The following LAMB4 variants were observed in gnomAD, a reference collection of about 807,000 sequenced individuals.
LAMB4 encodes laminin subunit beta-4.
Under a neutral mutation model 199.2 loss-of-function variants are expected in LAMB4, and 196 were observed. The observed-to-expected ratio is 0.98, with a 90% CI of 0.88 to 1.11. The LOEUF (loss-of-function observed/expected upper bound fraction) is 1.11, where lower values mean the gene tolerates loss of function less well. LAMB4 is among the 50% of genes least tolerant of loss of function. The pLI, the probability that LAMB4 is intolerant of heterozygous loss-of-function variation, is 0.00. For synonymous variants in LAMB4, 744 were observed against 770.6 expected (o/e 0.97, Z 0.57); for missense variants, 2,080 against 2,171.2 (o/e 0.96, Z 0.83).
intron 24 of LAMB4, among the ~76,000 whole-genome samples, chr7:108,057,438 C>CA (rs1287403884): frequency 6.6e-6 from 1 of 152,094 alleles, no homozygotes; most frequent in Non-Finnish European, 1.5e-5. Context: ...TTTTTAGCCA[C>CA]AAGGGCACAT....
At chr7:108,112,255 T>TA (rs1225642842) in intron 3 of LAMB4, among the ~76,000 whole-genome samples, 1 of 151,798 alleles carries the variant, frequency 6.6e-6, no homozygotes, top group East Asian at 1.9e-4. Flanking sequence ...TATGAAGAAA[T>TA]AAAAAATTAG....
Position 108,052,204 on chromosome 7 carries a change from TC to T in LAMB4, c.3808del (p.Asp1270IlefsTer2). The T allele has an allele frequency of 2.5e-6, 4 of 1,611,638 alleles. No homozygotes were observed. The highest frequency in any genetic ancestry group is 3.4e-6 in the Non-Finnish European group (4 of 1,178,796). On this transcript the variant is annotated frameshift_variant, in exon 26 of 34. Coordinates refer to ENST00000388781, the MANE Select transcript of LAMB4 (RefSeq NM_007356.3). LOFTEE classifies it high-confidence loss of function. ...EQLKAVYEFQ[D>X]LKDTIERAKN... The stretch of plus-strand genomic sequence containing the variant: ...TGCTCTTTCTATTGTATCTTTCAGA[TC>T]TTGAAATTCATACACTGCTTTCAGT...
At chr7:108,025,435 T>TCTTTC (rs1563024848) in intron 33 of LAMB4, among the ~76,000 whole-genome samples, 28 of 112,142 alleles carry the variant, frequency 2.5e-4, no homozygotes, top group African/African-American at 2.0e-3. Context: ...TTTCTTTCTT[T>TCTTTC]TTTTTTTTTT....
At chr7:108,104,835 C>G (rs2037945169) in intron 8 of LAMB4, among the ~76,000 whole-genome samples, 1 of 151,658 alleles carries the variant, frequency 6.6e-6, no homozygotes. Context: ...TTCTAAAATA[C>G]AATACTTTTT....
At position 108,029,174 on chromosome 7, in the gene LAMB4, T is replaced by C; in HGVS notation, c.5015A>G (p.Gln1672Arg). 1 of 1,612,204 alleles carries C rather than the reference T, an allele frequency of 6.2e-7. No homozygotes were observed. The highest frequency in any genetic ancestry group is 8.5e-7 in the Non-Finnish European group (1 of 1,179,582). ...TGTCTTACGTTGGAGAATAGCATAT[T>C]GTTTTTTCAGCTCAACAAATTCCTG... The part of the protein sequence containing the change: ...LEKEFVELKK[Q>R]YAILQRKTST... The change falls in exon 33 of 34, where the codon CAA becomes CGA. Residue 1672 changes from glutamine to arginine, a missense_variant. By Grantham distance (43) the Gln-to-Arg change is conservative. Coordinates refer to ENST00000388781, the MANE Select transcript of LAMB4 (RefSeq NM_007356.3).
chr7:108,014,588 A>T, the LAMB4 span, among the ~76,000 whole-genome samples: 1 of 152,148 alleles, frequency 6.6e-6, no homozygotes, highest in African/African-American at 2.4e-5. Context: ...TAGTATAGAC[A>T]TTTCTATTTA....
rs373331992 is a variant in LAMB4, at chr7:108,037,395, C to A, written c.4672G>T (p.Ala1558Ser). ...GAQKLLVKAK[A>S]AEKAANILLN... is the part of the protein sequence containing the mutation. ...TATTAATACAGTACTTACTCAGCTG[C>A]TTTGGCCTTCACCAAAAGCTTTTGG... is the stretch of plus-strand genomic sequence containing the variant. The change falls in exon 30 of 34, where the codon GCA becomes TCA. Residue 1558 changes from alanine (A) to serine (S), a missense_variant. By Grantham distance (99) the Ala-to-Ser change is moderately conservative. Coordinates refer to ENST00000388781, the MANE Select transcript of LAMB4 (RefSeq NM_007356.3). 1 of 1,612,868 alleles carries A rather than the reference C, an allele frequency of 6.2e-7. No individual in the cohort carries two copies. Among genetic ancestry groups the A allele is most frequent in the Non-Finnish European group, 8.5e-7 (1 of 1,178,988 alleles).
At chr7:108,110,798 G>A (rs935461202) in intron 4 of LAMB4, among the ~76,000 whole-genome samples, 13 of 152,142 alleles carry the variant, frequency 8.5e-5, no homozygotes, top group African/African-American at 2.9e-4. Context: ...ATTCATTAAG[G>A]AGAGTCCAGC....
At chr7:108,128,539 T>G (rs1270665270) in intron 1 of LAMB4, among the ~76,000 whole-genome samples, 1 of 152,170 alleles carries the variant, frequency 6.6e-6, no homozygotes, top group Non-Finnish European at 1.5e-5. Flanking sequence ...CCAAAATCAC[T>G]CACCTCTAGT....
intron 28 of LAMB4, among the ~76,000 whole-genome samples, chr7:108,046,687 G>T (rs1460471990): frequency 6.6e-6 from 1 of 151,920 alleles, no homozygotes; most frequent in African/African-American, 2.4e-5. Flanking sequence ...TTAATTATAA[G>T]GTACTTAAAT....
Position 108,103,035 on chromosome 7 carries a change from G to A in LAMB4, c.1180+9C>T. On this transcript the variant is annotated intron_variant, in intron 10 of 33. Coordinates refer to ENST00000388781, the MANE Select transcript of LAMB4 (RefSeq NM_007356.3). ...AGTGGGTAGGATCCAGGCAGACCCG[G>A]GGACTCACGAATGCACGCGTAGGGA... 6.4e-7 allele frequency: 1 copy of A among 1,565,512 alleles called. No homozygotes were observed. Among genetic ancestry groups the A allele is most frequent in the Non-Finnish European group, 8.7e-7 (1 of 1,146,198 alleles).
At chr7:108,036,054 CACCATGTTGGCCAGGCTGGTCT>C (rs1374799553) in intron 30 of LAMB4, among the ~76,000 whole-genome samples, 15 of 151,938 alleles carry the variant, frequency 9.9e-5, no homozygotes, top group Non-Finnish European at 2.2e-4. Context: ...GACGGGTTTT[CACCATGTTGGCCAGGCTGGTCT>C]CTAACTCCTA....
Position 108,025,026 on chromosome 7 carries a change from GGAGTA to G in LAMB4, c.5147-853_5147-849del, listed in dbSNP as rs1381229459. Among the ~76,000 whole-genome samples, 3 of 152,324 alleles carry G rather than the reference GGAGTA, an allele frequency of 2.0e-5. No individual in the cohort carries two copies. The East Asian group carries it at 5.8e-4, about 29-fold the overall frequency. ...TCACACCTGAATACCGAGTTGGTTTGGAGTAATTGTCAAACTAACATGTGTTTAGA... is the reference window on the plus strand; with the variant it reads ...TCACACCTGAATACCGAGTTGGTTTGATTGTCAAACTAACATGTGTTTAGA... On this transcript the variant is annotated intron_variant, in intron 33 of 33. Coordinates refer to ENST00000388781, the MANE Select transcript of LAMB4 (RefSeq NM_007356.3).
chr7:108,127,466 G>A (rs186953329), intron 1 of LAMB4, among the ~76,000 whole-genome samples: 5 of 152,238 alleles, frequency 3.3e-5, no homozygotes, highest in East Asian at 1.9e-4. Flanking sequence ...TTCTCCAAGC[G>A]TAGTCCATGG....
intron 1 of LAMB4, among the ~76,000 whole-genome samples, chr7:108,124,438 T>A (rs1260291872): frequency 2.0e-5 from 3 of 152,172 alleles, no homozygotes; most frequent in Non-Finnish European, 4.4e-5. Flanking sequence ...TGTGTGCATA[T>A]AACCATATAT....
chr7:108,055,478 C>T (rs929857725), intron 25 of LAMB4, among the ~76,000 whole-genome samples, 154 bp downstream of exon 25: 2 of 152,124 alleles, frequency 1.3e-5, no homozygotes, highest in East Asian at 1.9e-4. Flanking sequence ...TGAGCTATGG[C>T]GCCCGGCCCA....
chr7:108,100,189 G>A (rs1306185685), intron 10 of LAMB4, among the ~76,000 whole-genome samples: 3 of 152,176 alleles, frequency 2.0e-5, no homozygotes, highest in Admixed American at 1.3e-4. Context: ...ACCTTTAGAA[G>A]TCTAATTGAA....
At chr7:108,051,095 C>T (rs1015653789) in intron 26 of LAMB4, among the ~76,000 whole-genome samples, 2 of 152,170 alleles carry the variant, frequency 1.3e-5, no homozygotes, top group African/African-American at 4.8e-5. Context: ...GGCAGTTTCA[C>T]TTTATTTTAC....
intron 14 of LAMB4, among the ~76,000 whole-genome samples, chr7:108,082,320 A>C (rs1344252399): frequency 1.5e-5 from 2 of 137,740 alleles, no homozygotes; most frequent in Non-Finnish European, 3.1e-5. Flanking sequence ...AAAGAGCGAG[A>C]CTCCGTCTTA....
Sources: gnomAD v4.1 joint callset for allele counts (sites outside exome capture counted in the v4.1 genomes callset) on GRCh38, gnomAD v4.1.1 for gene constraint, MANE v1.5 for transcripts, NCBI Gene and HGNC (gene_info 2026-07-23, HGNC 2026-07-21) for gene names.